The following QTMAN variants were observed in gnomAD, a reference collection of about 807,000 sequenced individuals.
QTMAN encodes tRNA-queuosine alpha-mannosyltransferase.
chr2:144,159,740 G>A, the QTMAN span, among the ~76,000 whole-genome samples: 4 of 152,168 alleles, frequency 2.6e-5, no homozygotes, highest in South Asian at 2.1e-4. Context: ...ATTCCAGACA[G>A]AGAGCTTACA....
At chr2:144,271,436 T>C in the QTMAN span, among the ~76,000 whole-genome samples, 8,993 of 152,272 alleles carry the variant, frequency 0.059, 369 homozygotes, top group South Asian at 0.16. Context: ...GACTAGCCAT[T>C]TGAGAATTAG....
At chr2:144,001,661 C>T in the QTMAN span, among the ~76,000 whole-genome samples, 1 of 151,822 alleles carries the variant, frequency 6.6e-6, no homozygotes, top group Non-Finnish European at 1.5e-5. Context: ...CAATTATGGG[C>T]CAATTACAGG....
the QTMAN span, among the ~76,000 whole-genome samples, chr2:144,113,497 T>C: frequency 1.3e-5 from 2 of 152,092 alleles, no homozygotes; most frequent in African/African-American, 4.8e-5. Context: ...TTTGTGTCAT[T>C]ACACTCCCAG....
the QTMAN span, among the ~76,000 whole-genome samples, chr2:144,118,780 C>A: frequency 2.0e-5 from 3 of 152,150 alleles, no homozygotes; most frequent in African/African-American, 7.2e-5. Context: ...ACTTGGGAGG[C>A]TGAGGCAGGA....
the QTMAN span, among the ~76,000 whole-genome samples, chr2:144,217,165 C>T: frequency 5.3e-5 from 8 of 152,104 alleles, no homozygotes; most frequent in East Asian, 1.5e-3. Flanking sequence ...GCAGAGAAGT[C>T]AAGGTGTGTT....
chr2:144,007,469 C>G, the QTMAN span: 1 of 1,612,250 alleles, frequency 6.2e-7, no homozygotes, highest in African/African-American at 1.3e-5. Context: ...TGGACAGAAC[C>G]GCACCGCCAT....
the QTMAN span, among the ~76,000 whole-genome samples, chr2:144,039,002 C>A: frequency 1.3e-5 from 2 of 151,994 alleles, no homozygotes; most frequent in African/African-American, 2.4e-5. Flanking sequence ...GAATTTGAGA[C>A]CTGCTAGGGA....
At chr2:143,995,531 G>A in the QTMAN span, among the ~76,000 whole-genome samples, 2 of 152,084 alleles carry the variant, frequency 1.3e-5, no homozygotes, top group Admixed American at 1.3e-4. Flanking sequence ...CTGTAATGTA[G>A]TTAACATTAT....
the QTMAN span, among the ~76,000 whole-genome samples, chr2:143,999,450 CTAAT>C: frequency 6.6e-6 from 1 of 151,554 alleles, no homozygotes; most frequent in Non-Finnish European, 1.5e-5. Flanking sequence ...AAGGAGTAGG[CTAAT>C]TAAAGAGAAG....
chr2:144,266,422 T>C, the QTMAN span, among the ~76,000 whole-genome samples: 1 of 152,212 alleles, frequency 6.6e-6, no homozygotes, highest in South Asian at 2.1e-4. Flanking sequence ...TTAACTTCTG[T>C]AAGCCTCAAT....
chr2:144,194,246 C>T, the QTMAN span, among the ~76,000 whole-genome samples: 1 of 152,152 alleles, frequency 6.6e-6, no homozygotes, highest in African/African-American at 2.4e-5. Flanking sequence ...ATTTGATCCT[C>T]ACAAATCTTG....
chr2:144,289,766 T>A, the QTMAN span, among the ~76,000 whole-genome samples: 2 of 152,170 alleles, frequency 1.3e-5, no homozygotes, highest in African/African-American at 4.8e-5. Context: ...ATTGGCAGAA[T>A]GAATAAGAAA....
At chr2:144,002,356 T>C in the QTMAN span, among the ~76,000 whole-genome samples, 1 of 151,920 alleles carries the variant, frequency 6.6e-6, no homozygotes, top group African/African-American at 2.4e-5. Context: ...AGTGAGTTTA[T>C]TTCAAAGAAC....
chr2:144,150,541 G>A, the QTMAN span, among the ~76,000 whole-genome samples: 2 of 151,920 alleles, frequency 1.3e-5, no homozygotes, highest in Non-Finnish European at 2.9e-5. Context: ...GTGGTTAGTG[G>A]CTACTGTATT....
chr2:144,286,184 T>C, the QTMAN span, among the ~76,000 whole-genome samples: 1 of 152,170 alleles, frequency 6.6e-6, no homozygotes, highest in Admixed American at 6.5e-5. Context: ...GCCCTCACCT[T>C]TGAGCCACAT....
the QTMAN span, among the ~76,000 whole-genome samples, chr2:144,154,344 A>G: frequency 6.6e-6 from 1 of 152,176 alleles, no homozygotes; most frequent in African/African-American, 2.4e-5. Flanking sequence ...AGGTCAGGGC[A>G]CTGGAATAGA....
chr2:144,035,263 C>T, the QTMAN span, among the ~76,000 whole-genome samples: 1 of 152,086 alleles, frequency 6.6e-6, no homozygotes, highest in Non-Finnish European at 1.5e-5. Context: ...CTGAGGCCTC[C>T]CCAGCCATGC....
At chr2:144,285,177 G>A in the QTMAN span, among the ~76,000 whole-genome samples, 2 of 151,894 alleles carry the variant, frequency 1.3e-5, no homozygotes, top group Non-Finnish European at 2.9e-5. Flanking sequence ...CTTTCAAAAT[G>A]GAAACATATT....
chr2:143,988,173 C>T, the QTMAN span, among the ~76,000 whole-genome samples: 1 of 152,144 alleles, frequency 6.6e-6, no homozygotes, highest in Admixed American at 6.5e-5. Flanking sequence ...TCTATGGAAA[C>T]AGGAGAGGAA....
Sources: allele counts gnomAD v4.1 joint callset (sites outside exome capture counted in the v4.1 genomes callset), GRCh38; gene constraint gnomAD v4.1.1; transcripts MANE v1.5; gene names NCBI Gene and HGNC (gene_info 2026-07-23, HGNC 2026-07-21).